Variants in KIF26B observed in about 807,000 individuals in gnomAD.
KIF26B encodes the protein kinesin-like protein KIF26B.
Under a neutral mutation model 151.2 loss-of-function variants are expected in KIF26B, and 63 were observed. That is an observed-to-expected ratio of 0.42 (90% CI 0.34 to 0.51). KIF26B has a LOEUF of 0.51. Ranked by LOEUF, KIF26B falls within the 20% of genes least tolerant of loss-of-function variation. The pLI, the probability that KIF26B is intolerant of heterozygous loss-of-function variation, is 0.07. For missense variants in KIF26B, 2,813 were observed against 2,913.6 expected (o/e 0.97, Z 0.79); for synonymous variants, 1,357 against 1,262.1 (o/e 1.08, Z -1.59).
chr1:245,372,052 G>C (rs1673141934), intron 3 of KIF26B, among the ~76,000 whole-genome samples: 1 of 152,048 alleles, frequency 6.6e-6, no homozygotes, highest in African/African-American at 2.4e-5. Context: ...CCAGGCCACA[G>C]ATTGATACCA....
At chr1:245,359,866 C>CTTTT (rs1672778407) in intron 2 of KIF26B, among the ~76,000 whole-genome samples, 1 of 143,320 alleles carries the variant, frequency 7.0e-6, no homozygotes, top group African/African-American at 3.0e-5. Context: ...TTCTTTCTTT[C>CTTTT]TTTCTTTCTT....
intron 3 of KIF26B, among the ~76,000 whole-genome samples, chr1:245,391,084 A>AT (rs1159231910): frequency 2.0e-5 from 3 of 152,114 alleles, no homozygotes. Context: ...AACAAATGTG[A>AT]TTTTTTGATA....
At chr1:245,530,283 A>G (rs2103096330) in intron 4 of KIF26B, among the ~76,000 whole-genome samples, 1 of 152,354 alleles carries the variant, frequency 6.6e-6, no homozygotes, top group South Asian at 2.1e-4. Context: ...AGCTTCCTCA[A>G]AAAACTAACA....
intron 2 of KIF26B, among the ~76,000 whole-genome samples, chr1:245,307,336 A>G (rs909362409): frequency 2.6e-5 from 4 of 152,166 alleles, no homozygotes; most frequent in Admixed American, 2.0e-4. Context: ...GCGAGGAGGA[A>G]TTGTGATCTG....
intron 5 of KIF26B, among the ~76,000 whole-genome samples, chr1:245,556,273 T>TC (rs772559515): frequency 9.1e-5 from 5 of 54,748 alleles, no homozygotes; most frequent in African/African-American, 2.5e-4. Flanking sequence ...CTCCTCCTCC[T>TC]CTTCTTCTTC....
At chr1:245,567,805 G>A (rs2043024336) in intron 5 of KIF26B, among the ~76,000 whole-genome samples, 1 of 152,146 alleles carries the variant, frequency 6.6e-6, no homozygotes, top group South Asian at 2.1e-4. Flanking sequence ...TAGGGTCGTG[G>A]TGGAGCATCC....
intron 4 of KIF26B, among the ~76,000 whole-genome samples, chr1:245,523,448 A>G (rs963679178): frequency 6.6e-6 from 1 of 152,190 alleles, no homozygotes; most frequent in Non-Finnish European, 1.5e-5. Context: ...TACCTGTCTT[A>G]GTTCCTTTGG....
At chr1:245,418,176 C>T (rs781521546) in intron 3 of KIF26B, among the ~76,000 whole-genome samples, 24 of 152,148 alleles carry the variant, frequency 1.6e-4, no homozygotes, top group Non-Finnish European at 3.2e-4. Flanking sequence ...CAATAGCAGC[C>T]AGTGGACGGG....
chr1:245,393,355 T>G (rs1346375528), intron 3 of KIF26B, among the ~76,000 whole-genome samples: 1 of 152,252 alleles, frequency 6.6e-6, no homozygotes, highest in African/African-American at 2.4e-5. Flanking sequence ...TCTTGCTTCA[T>G]GGATGCAATA....
intron 4 of KIF26B, among the ~76,000 whole-genome samples, chr1:245,467,617 G>A (rs971657827): frequency 3.3e-5 from 5 of 152,272 alleles, no homozygotes; most frequent in Non-Finnish European, 5.9e-5. Flanking sequence ...GTTGGAGGCC[G>A]GGCGCGGTGG....
At chr1:245,386,880 A>T (rs200516638) in intron 3 of KIF26B, among the ~76,000 whole-genome samples, 1 of 152,172 alleles carries the variant, frequency 6.6e-6, no homozygotes, top group East Asian at 1.9e-4. Flanking sequence ...GGGAGTAAAG[A>T]TGAGACAGGC....
At chr1:245,188,399 C>T (rs1669038282) in intron 2 of KIF26B, among the ~76,000 whole-genome samples, 3 of 152,010 alleles carry the variant, frequency 2.0e-5, no homozygotes, top group South Asian at 2.1e-4. Context: ...CAAAGCCCAC[C>T]TCTCTCTCGA....
intron 2 of KIF26B, among the ~76,000 whole-genome samples, chr1:245,301,217 G>A (rs1036572296): frequency 6.6e-5 from 10 of 152,202 alleles, no homozygotes; most frequent in Non-Finnish European, 1.0e-4. Flanking sequence ...TTCTTCTCCC[G>A]CCTTCCTGCC....
At chr1:245,305,975 C>T (rs1019167256) in intron 2 of KIF26B, among the ~76,000 whole-genome samples, 9 of 144,802 alleles carry the variant, frequency 6.2e-5, no homozygotes, top group East Asian at 6.0e-4. Flanking sequence ...AAATGTGAAA[C>T]GATATAGCCC....
Position 245,685,758 on chromosome 1 carries a change from G to C in KIF26B, c.2775G>C (p.Thr925=). 1 of 1,612,376 alleles carries C rather than the reference G, an allele frequency of 6.2e-7. No individual in the cohort carries two copies. The highest frequency in any genetic ancestry group is 2.2e-5 in the East Asian group (1 of 44,850). Residue 925 remains threonine (T), a synonymous_variant, in exon 12 of 15, where the codon ACG becomes ACC. Coordinates refer to ENST00000407071, the MANE Select transcript of KIF26B (RefSeq NM_018012.4). ...AAAGGGACTGCCTGAAGTGCAACAC[G>C]TTTGCCGAGCTGCAGGAGAGGCTGG... ...KSERDCLKCN[T]FAELQERLDC...
At chr1:245,693,046 A>T (rs1218997999) in intron 12 of KIF26B, among the ~76,000 whole-genome samples, 1 of 152,098 alleles carries the variant, frequency 6.6e-6, no homozygotes, top group Non-Finnish European at 1.5e-5. Flanking sequence ...GTCCCCTATC[A>T]TCCATTATAT....
chr1:245,390,164 A>G (rs1260149933), intron 3 of KIF26B, among the ~76,000 whole-genome samples: 1 of 117,062 alleles, frequency 8.5e-6, no homozygotes, highest in South Asian at 3.0e-4. Context: ...ATATATTTGG[A>G]TATTTGGAGG....
chr1:245,552,502 C>T (rs1572122158), intron 5 of KIF26B, among the ~76,000 whole-genome samples: 1 of 152,164 alleles, frequency 6.6e-6, no homozygotes, highest in Non-Finnish European at 1.5e-5. Flanking sequence ...ATTACCATCG[C>T]ACTAGGGGAA....
At chr1:245,386,312 A>T (rs920091054) in intron 3 of KIF26B, among the ~76,000 whole-genome samples, 11 of 147,862 alleles carry the variant, frequency 7.4e-5, no homozygotes, top group African/African-American at 2.5e-4. Flanking sequence ...TATTAGCTGT[A>T]TTCAGCCTGC....
Sources: allele counts gnomAD v4.1 joint callset (sites outside exome capture counted in the v4.1 genomes callset), GRCh38; gene constraint gnomAD v4.1.1; transcripts MANE v1.5; gene names NCBI Gene and HGNC (gene_info 2026-07-23, HGNC 2026-07-21).